The following CREB5 variants were observed in gnomAD, a reference collection of about 807,000 sequenced individuals.
CREB5 encodes cyclic AMP-responsive element-binding protein 5.
CREB5 carries 19 observed loss-of-function variants against 57.1 expected under a neutral mutation model. That is an observed-to-expected ratio of 0.33 (90% CI 0.23 to 0.49). The LOEUF is 0.49. Ranked by LOEUF, CREB5 falls within the 20% of genes least tolerant of loss-of-function variation. The pLI is 0.99. For synonymous variants in CREB5, 238 were observed against 238.3 expected, an observed-to-expected ratio of 1.00 and a Z score of 0.01; for missense variants, 579 against 671.6, an observed-to-expected ratio of 0.86 and a Z score of 1.52.
In CREB5 at chr7:28,563,233, T is replaced by A. The variant is rs1795347290; in HGVS notation, c.292-7132T>A. ...CTGTACATTTTGTCTCTGAGCCTCATGTTCTGGACTTTACTGAAAGGAAAG... is the reference window on the plus strand; with the variant it reads ...CTGTACATTTTGTCTCTGAGCCTCAAGTTCTGGACTTTACTGAAAGGAAAG... On this transcript the variant is annotated intron_variant, in intron 4 of 10. Transcript: ENST00000357727. Among the ~76,000 whole-genome samples, 3 of 152,346 alleles carry A rather than the reference T, an allele frequency of 2.0e-5. No individual in the cohort carries two copies. In the South Asian group the frequency reaches 6.2e-4, roughly 32 times the overall value.
intron 1 of CREB5, among the ~76,000 whole-genome samples, chr7:28,314,686 G>C (rs1309515567): frequency 6.6e-6 from 1 of 152,154 alleles, no homozygotes; most frequent in Non-Finnish European, 1.5e-5. Context: ...TACCCCAAGG[G>C]AAAGAAAACC....
intron 10 of CREB5, chr7:28,818,784 C>A: frequency 2.1e-6 from 1 of 480,190 alleles, no homozygotes; most frequent in Non-Finnish European, 4.1e-6. Context: ...GATTCTCCCA[C>A]CACATGTGAG....
At chr7:28,376,442 G>C (rs995369725) in intron 1 of CREB5, among the ~76,000 whole-genome samples, 2 of 151,888 alleles carry the variant, frequency 1.3e-5, no homozygotes, top group Non-Finnish European at 2.9e-5. Context: ...CTAATGTTTT[G>C]TATTTTTAGT....
chr7:28,734,140 T>C (rs754423490), intron 7 of CREB5, among the ~76,000 whole-genome samples: 8 of 146,382 alleles, frequency 5.5e-5, no homozygotes, highest in South Asian at 2.1e-4. Context: ...GTGGTGGCCT[T>C]ACATGAAATG....
At chr7:28,332,544 G>A (rs924828556) in intron 1 of CREB5, among the ~76,000 whole-genome samples, 3 of 152,054 alleles carry the variant, frequency 2.0e-5, no homozygotes, top group African/African-American at 7.3e-5. Flanking sequence ...CATACACTTG[G>A]AAGTATTTGA....
At chr7:28,677,308 A>G (rs1427739628) in intron 5 of CREB5, among the ~76,000 whole-genome samples, 4 of 152,170 alleles carry the variant, frequency 2.6e-5, no homozygotes, top group Non-Finnish European at 5.9e-5. Context: ...AAAAATACAT[A>G]TTCTGTCATA....
Position 28,817,931 on chromosome 7 carries a change from G to A in CREB5, c.1255-140G>A, listed in dbSNP as rs1438995341. On this transcript the variant is annotated intron_variant, in intron 9 of 10. Coordinates refer to ENST00000357727, the MANE Select transcript of CREB5 (RefSeq NM_182898.4). ...TTAAAGGTAAGCTACAAACTTTCAG[G>A]TGAACCACATTAAATAATATTCTTA... is the stretch of plus-strand genomic sequence containing the variant. 59 of 571,140 alleles carry A rather than the reference G, an allele frequency of 1.0e-4. No individual in the cohort carries two copies. The East Asian group carries it at 1.8e-3, about 18-fold the overall frequency. The allele number at this position is 571,140 out of a possible 1,614,324, so 35.4% of individuals were successfully genotyped here.
chr7:28,777,753 A>T (rs960989000), intron 7 of CREB5, among the ~76,000 whole-genome samples: 21 of 152,182 alleles, frequency 1.4e-4, no homozygotes, highest in African/African-American at 4.8e-4. Context: ...ATGCTCAGTG[A>T]ATTTTTAAAA....
At chr7:28,348,834 C>G (rs978935673) in intron 1 of CREB5, among the ~76,000 whole-genome samples, 1 of 152,206 alleles carries the variant, frequency 6.6e-6, no homozygotes, top group African/African-American at 2.4e-5. Context: ...ATCCACATGG[C>G]GGCTGTGTGT....
chr7:28,754,775 C>T (rs183255644), intron 7 of CREB5, among the ~76,000 whole-genome samples: 4 of 152,132 alleles, frequency 2.6e-5, no homozygotes, highest in Admixed American at 6.5e-5. Context: ...TCCTGCTTTA[C>T]AATAGAGAGG....
At chr7:28,751,373 G>A (rs1170376965) in intron 7 of CREB5, among the ~76,000 whole-genome samples, 1 of 152,174 alleles carries the variant, frequency 6.6e-6, no homozygotes, top group Non-Finnish European at 1.5e-5. Context: ...TGGCATGTTG[G>A]CCATGTGAAG....
chr7:28,417,479 A>G, intron 1 of CREB5, among the ~76,000 whole-genome samples: 1 of 152,122 alleles, frequency 6.6e-6, no homozygotes, highest in East Asian at 1.9e-4. Context: ...CTATGGTATC[A>G]GACAACACAG....
chr7:28,724,400 C>A, intron 7 of CREB5, 68 bp downstream of exon 7: 1 of 1,368,560 alleles, frequency 7.3e-7, no homozygotes, highest in Non-Finnish European at 1.0e-6. Flanking sequence ...ACTCTGACTC[C>A]AAAACCTTAG....
chr7:28,481,019 C>A (rs1476937328), intron 1 of CREB5, among the ~76,000 whole-genome samples: 1 of 151,974 alleles, frequency 6.6e-6, no homozygotes, highest in Non-Finnish European at 1.5e-5. Context: ...AAACCCAATC[C>A]CACTGGAATG....
intron 1 of CREB5, among the ~76,000 whole-genome samples, chr7:28,386,848 T>G (rs1286380856): frequency 6.6e-6 from 1 of 152,230 alleles, no homozygotes; most frequent in African/African-American, 2.4e-5. Context: ...TGTTCCTGCA[T>G]TAGTTTGCTG....
intron 5 of CREB5, among the ~76,000 whole-genome samples, chr7:28,583,326 A>C (rs1796187091): frequency 6.6e-6 from 1 of 152,242 alleles, no homozygotes; most frequent in Non-Finnish European, 1.5e-5. Context: ...CAGTGATGCC[A>C]TCATCATCAT....
At chr7:28,421,474 C>G (rs973295181) in intron 1 of CREB5, among the ~76,000 whole-genome samples, 4 of 152,050 alleles carry the variant, frequency 2.6e-5, no homozygotes, top group Non-Finnish European at 5.9e-5. Flanking sequence ...GATGCATCCA[C>G]TTTACTGTCA....
chr7:28,396,521 C>G (rs1241575357), intron 1 of CREB5, among the ~76,000 whole-genome samples: 7 of 151,998 alleles, frequency 4.6e-5, no homozygotes, highest in Admixed American at 4.6e-4. Flanking sequence ...TTTTCATAAA[C>G]TAGTAATATA....
intron 4 of CREB5, among the ~76,000 whole-genome samples, chr7:28,515,961 T>C (rs537952720): frequency 6.6e-6 from 1 of 152,140 alleles, no homozygotes; most frequent in Non-Finnish European, 1.5e-5. Flanking sequence ...ATCTGAGCTC[T>C]CTGGGAGGCC....
Sources: gnomAD v4.1 joint callset for allele counts (sites outside exome capture counted in the v4.1 genomes callset) on GRCh38, gnomAD v4.1.1 for gene constraint, MANE v1.5 for transcripts, NCBI Gene and HGNC (gene_info 2026-07-23, HGNC 2026-07-21) for gene names.